COL20A1: variants seen among roughly 807,000 people sequenced by gnomAD.
COL20A1 encodes collagen type XX alpha 1 chain.
A neutral mutation model predicts 152.9 loss-of-function variants in COL20A1; 164 were observed. That is an observed-to-expected ratio of 1.07 (90% CI 0.94 to 1.22). COL20A1 has a LOEUF of 1.22. Among genes scored for constraint, COL20A1 ranks in the 50% most tolerant of loss-of-function variants. The probability of loss-of-function intolerance (pLI) is 0.00; values close to 1 mark genes in which losing one functional copy is unlikely to be tolerated. For missense variants in COL20A1, 1,873 were observed against 1,744.8 expected (o/e 1.07, Z -1.31); for synonymous variants, 864 against 756.0 (o/e 1.14, Z -2.34).
rs890933945 is a variant in COL20A1, at chr20:63,333,928, G to T, written c.*3212G>T. On this transcript the variant is annotated 3_prime_UTR_variant, in exon 36 of 36. Transcript: ENST00000358894. Reference sequence around the variant, plus strand: ...GCTGGGACACGTGGACTCACACCAGGGCAGATGGTGGGGGAAGCCAGTGTC... The same window carrying T: ...GCTGGGACACGTGGACTCACACCAGTGCAGATGGTGGGGGAAGCCAGTGTC... 2 of 152,300 alleles carry T rather than the reference G, an allele frequency of 1.3e-5. No individual in the cohort carries two copies. The highest frequency in any genetic ancestry group is 4.8e-5 in the African/African-American group (2 of 41,448). 9.4% of individuals were successfully genotyped at this position (152,300 alleles called of 1,614,324 possible).
At position 63,313,982 on chromosome 20, in the gene COL20A1, C is replaced by T. The variant is rs1412745640; in HGVS notation, c.2359-90C>T. 1 of 1,599,288 alleles carries T rather than the reference C, an allele frequency of 6.3e-7. No individual in the cohort carries two copies. Among genetic ancestry groups the T allele is most frequent in the Non-Finnish European group, 8.5e-7 (1 of 1,172,990 alleles). On this transcript the variant is annotated intron_variant, in intron 18 of 35. Transcript: ENST00000358894. The surrounding 1 kb of genome is among the most constrained non-coding windows in gnomAD (Gnocchi z 5.9). ...CTGTCTGCGAAGGGTGGCAGCTCTG[C>T]CATGGCGGGACGCAGAGGGAGGCAG...
At chr20:63,327,003 G>C (rs1024266090) in intron 31 of COL20A1, among the ~76,000 whole-genome samples, 180 bp downstream of exon 31, 2 of 151,898 alleles carry the variant, frequency 1.3e-5, no homozygotes, top group African/African-American at 4.8e-5. Context: ...TTACTGGCCT[G>C]GAACTTCCTG....
intron 5 of COL20A1, among the ~76,000 whole-genome samples, chr20:63,307,107 T>A (rs1353458787): frequency 6.6e-6 from 1 of 152,218 alleles, no homozygotes; most frequent in Non-Finnish European, 1.5e-5. Flanking sequence ...AGACCGGGGA[T>A]GGCGGCTTTG....
intron 20 of COL20A1, 105 bp downstream of exon 20, chr20:63,315,544 G>C: frequency 9.4e-7 from 1 of 1,059,530 alleles, no homozygotes; most frequent in Admixed American, 2.5e-5. Context: ...TGGTGGTGCA[G>C]TTGGAGGATG....
In COL20A1 at chr20:63,314,512, G is replaced by A. The variant is rs568552068; in HGVS notation, c.2488+311G>A. ...GGAGAACCACAGGTCCAGGGCGAGG[G>A]CTCTGAGAGGCATCCATCCCAACCT... is the stretch of plus-strand genomic sequence containing the variant. On this transcript the variant is annotated intron_variant, in intron 19 of 35. Coordinates refer to ENST00000358894, the MANE Select transcript of COL20A1 (RefSeq NM_020882.4). 2.0e-5 allele frequency among the ~76,000 whole-genome samples: 3 copies of A among 152,282 alleles called. No individual in the cohort carries two copies. The South Asian group carries it at 6.2e-4, about 32-fold the overall frequency.
At chr20:63,299,343 G>A (rs1261142761) in intron 3 of COL20A1, among the ~76,000 whole-genome samples, 1 of 152,156 alleles carries the variant, frequency 6.6e-6, no homozygotes, top group Non-Finnish European at 1.5e-5. Context: ...GTATACTCCC[G>A]TCAACACTGT....
chr20:63,316,426 C>T (rs927475970), intron 20 of COL20A1, 127 bp from the exon 21 acceptor site: 2 of 623,532 alleles, frequency 3.2e-6, no homozygotes, highest in South Asian at 2.5e-5. Context: ...CACGCCGCTC[C>T]GTCACCCCTC....
At position 63,313,209 on chromosome 20, in the gene COL20A1, C is replaced by T. The variant is rs371862665; in HGVS notation, c.2169C>T (p.Asp723=). Residue 723 remains aspartate (D), a synonymous_variant, in exon 17 of 36, where the codon GAC becomes GAT. Transcript: ENST00000358894. The surrounding 1 kb of genome is among the most constrained non-coding windows in gnomAD (Gnocchi z 5.9). The part of the protein sequence containing the change: ...YDVTILAYYR[D]GARSDPVSLR... ...TCACCATCTTGGCCTACTACAGGGA[C>T]GGGGCCCGCAGTGACCCTGTGTCCC... 1.3e-5 allele frequency: 21 copies of T among 1,612,378 alleles called. No individual in the cohort carries two copies. The highest frequency in any genetic ancestry group is 2.2e-5 in the East Asian group (1 of 44,880).
Position 63,311,362 on chromosome 20 carries a change from C to G in COL20A1, c.1394-32C>G. 6.4e-7 allele frequency: 1 copy of G among 1,551,558 alleles called. No individual in the cohort carries two copies. Among genetic ancestry groups the G allele is most frequent in the Non-Finnish European group, 8.7e-7 (1 of 1,149,828 alleles). ...CGTGGGTGTGATCTCTGTGTGGGCT[C>G]CTTCCTAAAGTGTCCCTGCATGGCC... On this transcript the variant is annotated intron_variant, in intron 11 of 35. Coordinates refer to ENST00000358894, the MANE Select transcript of COL20A1 (RefSeq NM_020882.4). This position sits in a 1 kb window ranked among gnomAD's most constrained non-coding sequence, Gnocchi z 4.4.
chr20:63,328,927 CTTG>C (rs1433883020), intron 34 of COL20A1, among the ~76,000 whole-genome samples: 1 of 152,172 alleles, frequency 6.6e-6, no homozygotes, highest in East Asian at 1.9e-4. Context: ...CTCCCGTGAC[CTTG>C]TTGGTGCTCC....
chr20:63,309,864 C>G lies in COL20A1; in HGVS notation c.1212C>G (p.Pro404=). Residue 404 remains proline (P), a synonymous_variant, in exon 10 of 36, where the codon CCC becomes CCG. Transcript: ENST00000358894. ...RLSWTPAPRH[P]LKYLIVWRAS... is the part of the protein sequence containing the mutation. Reference sequence around the variant, plus strand: ...CCTGGACTCCAGCCCCCCGGCACCCCCTCAAGTATCTGATCGTTTGGCGAG... The same window carrying G: ...CCTGGACTCCAGCCCCCCGGCACCCGCTCAAGTATCTGATCGTTTGGCGAG... The G allele has an allele frequency of 1.2e-6, 2 of 1,611,876 alleles. No individual in the cohort carries two copies. Among genetic ancestry groups the G allele is most frequent in the Non-Finnish European group, 1.7e-6 (2 of 1,179,514 alleles).
In COL20A1 at chr20:63,334,380, G is replaced by C. The variant is rs999548647; in HGVS notation, c.*3664G>C. On this transcript the variant is annotated 3_prime_UTR_variant, in exon 36 of 36. Transcript: ENST00000358894. ...TGTGCTGCAGCTGCAGTGGTACCTA[G>C]AGGGCAATTTATAGCTGTAAATACA... The C allele has an allele frequency of 6.6e-6, 1 of 152,226 alleles. No homozygotes were observed. Among genetic ancestry groups the C allele is most frequent in the Non-Finnish European group, 1.5e-5 (1 of 68,052 alleles). The allele number at this position is 152,226 out of a possible 1,614,324, so 9.4% of individuals were successfully genotyped here.
rs745830390 is a variant in COL20A1, at chr20:63,325,462, G to A, written c.3316G>A (p.Glu1106Lys). ...CCAGGGTCCACCAGGGGTCAAAGGA[G>A]AGAAGGGAGACCATGGGCTTCCAGG... ...GPRGPPGVKGEKGDHGLPGLQ... is the reference protein window; with the variant it reads ...GPRGPPGVKGKKGDHGLPGLQ... Residue 1106 changes from glutamate (E) to lysine (K), a missense_variant, in exon 28 of 36, where the codon GAG becomes AAG. Transcript: ENST00000358894. 7.4e-6 allele frequency: 12 copies of A among 1,613,030 alleles called. No homozygotes were observed. The Middle Eastern group carries it at 1.7e-3, about 223-fold the overall frequency.
rs763875307 is a variant in COL20A1, at chr20:63,319,455, C to G, written c.2807-32C>G. On this transcript the variant is annotated intron_variant, in intron 22 of 35. Transcript: ENST00000358894. This position sits in a 1 kb window ranked among gnomAD's most constrained non-coding sequence, Gnocchi z 4.4. The stretch of plus-strand genomic sequence containing the variant: ...GGTATAGGCCCGGCTGGTTGCAGCC[C>G]GTTCTCACCTGCTCCACCCCTTCCC... The G allele has an allele frequency of 1.0e-5, 15 of 1,493,770 alleles. No individual in the cohort carries two copies. The highest frequency in any genetic ancestry group is 1.3e-5 in the Non-Finnish European group (14 of 1,096,252). The allele number at this position is 1,493,770 out of a possible 1,614,324, so 92.5% of individuals were successfully genotyped here. A position where few individuals can be genotyped will look rare whatever the true frequency, so the allele number is the denominator to read the frequency against.
intron 3 of COL20A1, among the ~76,000 whole-genome samples, chr20:63,302,530 A>G (rs1169818833): frequency 6.6e-6 from 1 of 152,158 alleles, no homozygotes; most frequent in Non-Finnish European, 1.5e-5. Flanking sequence ...TGTGTTGGCC[A>G]GGCTGGTCTC....
At chr20:63,294,670 C>T (rs528594987) in intron 1 of COL20A1, among the ~76,000 whole-genome samples, 11 of 152,276 alleles carry the variant, frequency 7.2e-5, no homozygotes, top group Admixed American at 5.2e-4. Flanking sequence ...ACAGGGACTC[C>T]ACATGTCCAG....
At chr20:63,320,650 C>A (rs1253081419) in intron 25 of COL20A1, among the ~76,000 whole-genome samples, 1 of 150,340 alleles carries the variant, frequency 6.7e-6, no homozygotes, top group African/African-American at 2.4e-5. Context: ...GGAAGGGGCA[C>A]GTGGCCAGGC....
At position 63,306,685 on chromosome 20, in the gene COL20A1, C is replaced by T. The variant is rs1050670840; in HGVS notation, c.496+646C>T. ...ACGGGGGCAGTGCACTGTGTCTGCC[C>T]ATAAGGCCCCCGTAGGCAGGGCTGG... is the stretch of plus-strand genomic sequence containing the variant. On this transcript the variant is annotated intron_variant, in intron 5 of 35. Coordinates refer to ENST00000358894, the MANE Select transcript of COL20A1 (RefSeq NM_020882.4). The surrounding 1 kb of genome is among the most constrained non-coding windows in gnomAD (Gnocchi z 6.9). Among the ~76,000 whole-genome samples the T allele has an allele frequency of 2.6e-5, 4 of 152,326 alleles. No homozygotes were observed. The highest frequency in any genetic ancestry group is 3.9e-4 in the East Asian group (2 of 5,180).
chr20:63,316,018 G>C (rs1028548409), intron 20 of COL20A1, among the ~76,000 whole-genome samples: 2 of 152,204 alleles, frequency 1.3e-5, no homozygotes, highest in African/African-American at 2.4e-5. Flanking sequence ...GGCTCTGCGC[G>C]GTGGGGCTCG....
Sources: allele counts gnomAD v4.1 joint callset (sites outside exome capture counted in the v4.1 genomes callset), GRCh38; gene constraint gnomAD v4.1.1; non-coding constraint Gnocchi (gnomAD v3.1); transcripts MANE v1.5; gene names NCBI Gene and HGNC (gene_info 2026-07-23, HGNC 2026-07-21).